The following PARVA variants were observed in gnomAD, a reference collection of about 807,000 sequenced individuals.
The protein encoded by PARVA is parvin alpha.
A neutral mutation model predicts 52.6 loss-of-function variants in PARVA; 25 were observed. The ratio of observed to expected loss-of-function variants is 0.48; its 90% CI spans 0.35 to 0.66. PARVA has a LOEUF of 0.66. Ranked by LOEUF, PARVA falls within the 30% of genes least tolerant of loss-of-function variation. The pLI, the probability that PARVA is intolerant of heterozygous loss-of-function variation, is 0.01. For synonymous variants in PARVA, 185 were observed against 179.1 expected, an observed-to-expected ratio of 1.03 and a Z score of -0.26; for missense variants, 373 against 450.9, an observed-to-expected ratio of 0.83 and a Z score of 1.56.
chr11:12,412,663 C>A (rs1940007131), intron 1 of PARVA, among the ~76,000 whole-genome samples: 1 of 152,188 alleles, frequency 6.6e-6, no homozygotes, highest in Admixed American at 6.5e-5. Context: ...GTGGGCCCCT[C>A]ACTGTCCTTT....
At chr11:12,409,410 A>G (rs982249488) in intron 1 of PARVA, among the ~76,000 whole-genome samples, 2 of 152,182 alleles carry the variant, frequency 1.3e-5, no homozygotes, top group African/African-American at 4.8e-5. Context: ...CTTCTATGGT[A>G]AAGGAGAATT....
chr11:12,517,096 C>A (rs1564869080), intron 10 of PARVA, among the ~76,000 whole-genome samples: 1 of 152,098 alleles, frequency 6.6e-6, no homozygotes, highest in East Asian at 1.9e-4. Flanking sequence ...TCCCTCTGTC[C>A]CACTCTAGCC....
chr11:12,376,706 C>T, upstream of PARVA: 2 of 983,954 alleles, frequency 2.0e-6, no homozygotes, highest in Non-Finnish European at 2.4e-6. Flanking sequence ...GACAGAAGGA[C>T]AAAGAGCCAG....
chr11:12,491,292 G>GTAGT (rs751387612), intron 4 of PARVA, among the ~76,000 whole-genome samples: 118 of 152,206 alleles, frequency 7.8e-4, no homozygotes, highest in Non-Finnish European at 1.3e-3. Flanking sequence ...AGCCCCCCAG[G>GTAGT]TAGTTAGGAC....
intron 1 of PARVA, among the ~76,000 whole-genome samples, chr11:12,460,436 A>C (rs2135022693): frequency 6.6e-6 from 1 of 152,220 alleles, no homozygotes; most frequent in South Asian, 2.1e-4. Flanking sequence ...CATGTAAAAA[A>C]CCAAGTGTTA....
chr11:12,494,658 A>G (rs2135058047), intron 4 of PARVA, among the ~76,000 whole-genome samples: 1 of 152,124 alleles, frequency 6.6e-6, no homozygotes, highest in South Asian at 2.1e-4. Flanking sequence ...CACCATTTAA[A>G]AAAAAAAAGA....
chr11:12,432,261 T>C (rs972318807), intron 1 of PARVA, among the ~76,000 whole-genome samples: 2 of 152,232 alleles, frequency 1.3e-5, no homozygotes, highest in African/African-American at 4.8e-5. Context: ...ATAAAAGGCC[T>C]ATTAAATTAG....
intron 1 of PARVA, among the ~76,000 whole-genome samples, chr11:12,426,095 G>A (rs1417675024): frequency 6.6e-6 from 1 of 152,156 alleles, no homozygotes; most frequent in Non-Finnish European, 1.5e-5. Context: ...CAGTACCGGG[G>A]GAGACGTATT....
At chr11:12,518,558 C>T in intron 12 of PARVA, 41 bp downstream of exon 12, 3 of 1,401,388 alleles carry the variant, frequency 2.1e-6, no homozygotes, top group Non-Finnish European at 2.0e-6. Flanking sequence ...CAGAGTGAGA[C>T]CCTCTCCCTG....
At chr11:12,377,271 A>G (rs1939404222), upstream of PARVA, 2 of 493,322 alleles carry the variant, frequency 4.1e-6, no homozygotes, top group Admixed American at 4.5e-5. Flanking sequence ...TGGTTCTCAG[A>G]TGTGTTTTGC....
At position 12,496,493 on chromosome 11, in the gene PARVA, G is replaced by T; in HGVS notation, c.436G>T (p.Val146Phe). ...GAGTGAGAAGCTAAATGTGGCTGAG[G>T]TCACCCAGTCAGAGATTGCTCAGAA... ...LESEKLNVAE[V>F]TQSEIAQKQK... Residue 146 changes from valine (V) to phenylalanine (F), a missense_variant, in exon 5 of 13, where the codon GTC becomes TTC. Physicochemically the swap from Val to Phe is conservative, Grantham distance 50. Coordinates refer to ENST00000334956, the MANE Select transcript of PARVA (RefSeq NM_018222.5). 6.2e-7 allele frequency: 1 copy of T among 1,608,650 alleles called. No individual in the cohort carries two copies. The highest frequency in any genetic ancestry group is 2.2e-5 in the East Asian group (1 of 44,740).
At chr11:12,447,089 A>C (rs1248885383) in intron 1 of PARVA, among the ~76,000 whole-genome samples, 1 of 152,226 alleles carries the variant, frequency 6.6e-6, no homozygotes, top group African/African-American at 2.4e-5. Context: ...GGTTCCATCT[A>C]TGTGTTACTC....
Position 12,534,205 on chromosome 11 carries a change from A to G in PARVA, c.*6280A>G, listed in dbSNP as rs1941808898. 6.6e-6 allele frequency among the ~76,000 whole-genome samples: 1 copy of G among 152,180 alleles called. No homozygotes were observed. The highest frequency in any genetic ancestry group is 2.4e-5 in the African/African-American group (1 of 41,444). On this transcript the variant is annotated 3_prime_UTR_variant, in exon 13 of 13. Transcript: ENST00000334956. ...CAAAACAAAACAAAAATCCATGAACAAGTGGACCTGCCCAGTTCAAATCAT... is the reference window on the plus strand; with the variant it reads ...CAAAACAAAACAAAAATCCATGAACGAGTGGACCTGCCCAGTTCAAATCAT...
chr11:12,449,134 A>ATT (rs1330003007), intron 1 of PARVA, among the ~76,000 whole-genome samples: 7 of 151,556 alleles, frequency 4.6e-5, no homozygotes, highest in African/African-American at 1.2e-4. Context: ...GCATTTATTT[A>ATT]TTTATTTATT....
chr11:12,517,780 C>A, intron 11 of PARVA, 69 bp downstream of exon 11: 4 of 1,078,574 alleles, frequency 3.7e-6, no homozygotes, highest in South Asian at 1.3e-5. Flanking sequence ...CACACCCATG[C>A]TGGGGCTATC....
chr11:12,474,208 C>CCAGACAGTTCAGTACAG lies in PARVA; in HGVS notation c.297+226_297+242dup. ...CCAGTGAGTGGTGCTGGTCACAGCA[C>CCAGACAGTTCAGTACAG]CAGACAGTTCAGTACAGGTAAGCTC... On this transcript the variant is annotated intron_variant, in intron 3 of 12. Transcript: ENST00000334956. 2.0e-5 allele frequency among the ~76,000 whole-genome samples: 3 copies of CCAGACAGTTCAGTACAG among 152,164 alleles called. No individual in the cohort carries two copies. In the South Asian group the frequency reaches 6.2e-4, roughly 32 times the overall value.
chr11:12,528,037 C>A lies in PARVA; in HGVS notation c.*112C>A. On this transcript the variant is annotated 3_prime_UTR_variant, in exon 13 of 13. Transcript: ENST00000334956. ...CTGTCTCTTGCACTGTGCTCTCCCA[C>A]AAGTCCAGCTGCAACCCAGAGATAG... is the stretch of plus-strand genomic sequence containing the variant. 1 of 781,954 alleles carries A rather than the reference C, an allele frequency of 1.3e-6. No individual in the cohort carries two copies. The highest frequency in any genetic ancestry group is 2.3e-6 in the Non-Finnish European group (1 of 436,096). The allele number at this position is 781,954 out of a possible 1,614,324, so 48.4% of individuals were successfully genotyped here.
chr11:12,378,127 C>T (rs985572543), intron 1 of PARVA, among the ~76,000 whole-genome samples: 1 of 151,734 alleles, frequency 6.6e-6, no homozygotes, highest in Non-Finnish European at 1.5e-5. Flanking sequence ...GGCCCCAGCC[C>T]GCAGACAGTG....
Position 12,513,404 on chromosome 11 carries a change from A to T in PARVA, c.798+44A>T, listed in dbSNP as rs757844604. ...GGATGGACAGAGGGAAGCGAGATGC[A>T]ACAGAACATTGGGAAAACCCATCCC... On this transcript the variant is annotated intron_variant, in intron 9 of 12. Coordinates refer to ENST00000334956, the MANE Select transcript of PARVA (RefSeq NM_018222.5). 5.6e-5 allele frequency: 87 copies of T among 1,551,260 alleles called. No individual in the cohort carries two copies. In the South Asian group the frequency reaches 9.6e-4, roughly 17 times the overall value.
Sources: gnomAD v4.1 joint callset for allele counts (sites outside exome capture counted in the v4.1 genomes callset) on GRCh38, gnomAD v4.1.1 for gene constraint, MANE v1.5 for transcripts, NCBI Gene and HGNC (gene_info 2026-07-23, HGNC 2026-07-21) for gene names.